SOX6: variants seen among roughly 807,000 people sequenced by gnomAD.
SOX6 encodes transcription factor SOX-6.
A neutral mutation model predicts 97.8 loss-of-function variants in SOX6; 11 were observed. The observed-to-expected ratio is 0.11, with a 90% CI of 0.07 to 0.19. The LOEUF (loss-of-function observed/expected upper bound fraction) is 0.19, where lower values mean the gene tolerates loss of function less well. SOX6 is among the 10% of genes least tolerant of loss of function. The pLI is 1.00. For missense variants in SOX6, 810 were observed against 1,039.5 expected (o/e 0.78, Z 3.04); for synonymous variants, 360 against 371.4 (o/e 0.97, Z 0.35).
chr11:16,126,268 CT>C (rs1248656587), intron 6 of SOX6, among the ~76,000 whole-genome samples: 1 of 151,880 alleles, frequency 6.6e-6, no homozygotes, highest in African/African-American at 2.4e-5. Flanking sequence ...AATCTATAGA[CT>C]TTTTTTTAGT....
chr11:16,584,264 T>G (rs944933334), intron 4 of SOX6, among the ~76,000 whole-genome samples: 12 of 152,160 alleles, frequency 7.9e-5, no homozygotes, highest in Non-Finnish European at 1.6e-4. Context: ...AAAAGGGAAC[T>G]GGAACACCCT....
chr11:16,561,037 G>A (rs566820228), intron 4 of SOX6, among the ~76,000 whole-genome samples: 2 of 151,814 alleles, frequency 1.3e-5, no homozygotes, highest in African/African-American at 4.8e-5. Context: ...TTGGGTGATG[G>A]GTGCACCAAA....
At chr11:16,455,315 C>T (rs568736996) in intron 1 of SOX6, among the ~76,000 whole-genome samples, 1 of 152,056 alleles carries the variant, frequency 6.6e-6, no homozygotes, top group East Asian at 1.9e-4. Context: ...AACCTAACCC[C>T]TTGTAGTTCG....
intron 1 of SOX6, among the ~76,000 whole-genome samples, chr11:16,344,055 T>C (rs1446832717): frequency 6.6e-6 from 1 of 151,970 alleles, no homozygotes; most frequent in Non-Finnish European, 1.5e-5. Context: ...AGCAAAGGAA[T>C]TAACATTTTT....
At chr11:16,706,989 T>G (rs191305839) in intron 3 of SOX6, among the ~76,000 whole-genome samples, 1 of 152,132 alleles carries the variant, frequency 6.6e-6, no homozygotes, top group Non-Finnish European at 1.5e-5. Flanking sequence ...TGGGAATAGA[T>G]GTACCTTTCC....
intron 3 of SOX6, among the ~76,000 whole-genome samples, chr11:16,659,566 A>G (rs1847749996): frequency 6.6e-6 from 1 of 152,202 alleles, no homozygotes; most frequent in Non-Finnish European, 1.5e-5. Context: ...GCCACAAAAT[A>G]ATGGTGGGCT....
At chr11:16,303,637 A>G (rs1224105594) in intron 3 of SOX6, among the ~76,000 whole-genome samples, 1 of 152,166 alleles carries the variant, frequency 6.6e-6, no homozygotes, top group African/African-American at 2.4e-5. Context: ...TTTTAGAGTA[A>G]GTTTGTCTAG....
intron 9 of SOX6, among the ~76,000 whole-genome samples, chr11:16,061,121 T>C (rs972037542): frequency 8.6e-5 from 13 of 151,504 alleles, no homozygotes; most frequent in Admixed American, 8.6e-4. Context: ...GGCAAAAAAA[T>C]TTAGTCAAGT....
At chr11:16,395,851 T>C (rs2134433723) in intron 1 of SOX6, among the ~76,000 whole-genome samples, 1 of 151,920 alleles carries the variant, frequency 6.6e-6, no homozygotes, top group African/African-American at 2.4e-5. Flanking sequence ...TCAACTATAT[T>C]GGTAATATTT....
upstream of SOX6, among the ~76,000 whole-genome samples, chr11:16,479,573 C>G (rs1007902090): frequency 3.0e-4 from 44 of 146,534 alleles, no homozygotes; most frequent in African/African-American, 1.1e-3. Context: ...AAGAAATGTA[C>G]AAATGAAGAA....
intron 12 of SOX6, among the ~76,000 whole-genome samples, chr11:16,045,741 C>T (rs756414030): frequency 3.9e-5 from 6 of 152,090 alleles, no homozygotes; most frequent in Non-Finnish European, 7.4e-5. Context: ...TTTCATATGG[C>T]CTGGACTGTT....
chr11:16,641,211 A>G (rs144870822), intron 3 of SOX6, among the ~76,000 whole-genome samples: 47,226 of 152,042 alleles, frequency 0.31, 8,785 homozygotes, highest in Non-Finnish European at 0.42. Flanking sequence ...CCATGTAGTT[A>G]AGCAGTTTTG....
At chr11:16,332,510 T>C (rs1245029170) in intron 2 of SOX6, among the ~76,000 whole-genome samples, 1 of 152,102 alleles carries the variant, frequency 6.6e-6, no homozygotes, top group Non-Finnish European at 1.5e-5. Flanking sequence ...CAGAGTTAAA[T>C]TATAATGAAA....
At chr11:16,239,315 C>T (rs12420134) in intron 3 of SOX6, among the ~76,000 whole-genome samples, 4 of 151,942 alleles carry the variant, frequency 2.6e-5, no homozygotes, top group African/African-American at 7.2e-5. Context: ...CTCTCTCCCC[C>T]TCTCCCTCTC....
chr11:16,164,598 C>T (rs1040283483), intron 6 of SOX6, among the ~76,000 whole-genome samples: 2 of 152,010 alleles, frequency 1.3e-5, no homozygotes, highest in East Asian at 1.9e-4. Context: ...CCGAGGCGGG[C>T]GGATCACGAG....
chr11:16,663,912 A>G (rs1847785478), intron 3 of SOX6, among the ~76,000 whole-genome samples: 1 of 152,176 alleles, frequency 6.6e-6, no homozygotes, highest in Admixed American at 6.5e-5. Context: ...GCACATTTAT[A>G]TTTCAATTAT....
At position 16,263,876 on chromosome 11, in the gene SOX6, C is replaced by T. The variant is rs754890274; in HGVS notation, c.446-29205G>A. 2.1e-4 allele frequency among the ~76,000 whole-genome samples: 32 copies of T among 152,042 alleles called. 1 individual carries two copies. The highest frequency in any genetic ancestry group is 4.4e-4 in the Non-Finnish European group (30 of 67,864). Reference sequence around the variant, plus strand: ...ATTCTATCATTTATATTCTCTATCTCTCCCTGTCTCTACAGTACAATATTT... The same window carrying T: ...ATTCTATCATTTATATTCTCTATCTTTCCCTGTCTCTACAGTACAATATTT... On this transcript the variant is annotated intron_variant, in intron 3 of 15. Transcript: ENST00000683767.
intron 1 of SOX6, among the ~76,000 whole-genome samples, chr11:16,453,691 G>T (rs1859760758): frequency 6.6e-6 from 1 of 151,996 alleles, no homozygotes; most frequent in Non-Finnish European, 1.5e-5. Flanking sequence ...TAAAAATATT[G>T]GTAAAGATCT....
At chr11:16,376,838 TAAG>T (rs1254993268) in intron 1 of SOX6, among the ~76,000 whole-genome samples, 1 of 151,826 alleles carries the variant, frequency 6.6e-6, no homozygotes, top group African/African-American at 2.4e-5. Flanking sequence ...CGTATATTTT[TAAG>T]GACTCACTAA....
Sources: allele counts gnomAD v4.1 joint callset (sites outside exome capture counted in the v4.1 genomes callset), GRCh38; gene constraint gnomAD v4.1.1; transcripts MANE v1.5; gene names NCBI Gene and HGNC (gene_info 2026-07-23, HGNC 2026-07-21).